DGKB: variants seen among roughly 807,000 people sequenced by gnomAD.
DGKB encodes the protein 90 kDa diacylglycerol kinase.
In DGKB, 67 loss-of-function variants were observed where a neutral mutation model predicts 114.3. The observed-to-expected ratio is 0.59, with a 90% confidence interval of 0.48 to 0.72. The LOEUF (loss-of-function observed/expected upper bound fraction) is 0.72, where lower values mean the gene tolerates loss of function less well. DGKB is among the 30% of genes least tolerant of loss of function. The pLI is 0.00. For missense variants in DGKB, 907 were observed against 975.2 expected, an observed-to-expected ratio of 0.93 and a Z score of 0.93; for synonymous variants, 398 against 323.1, an observed-to-expected ratio of 1.23 and a Z score of -2.49.
chr7:14,654,966 T>C (rs1390550093), intron 13 of DGKB, among the ~76,000 whole-genome samples: 6 of 151,912 alleles, frequency 3.9e-5, no homozygotes, highest in African/African-American at 7.2e-5. Context: ...GACTCTGGTC[T>C]GAGCAAAGAT....
Position 14,956,986 on chromosome 7 carries a change from T to G in DGKB, c.-188+17710A>C, listed in dbSNP as rs117431973. On this transcript the variant is annotated intron_variant, in intron 1 of 4. Transcript: ENST00000437998. Reference sequence around the variant, plus strand: ...ATATCCATTGCAGAGGAATTGAAATTTTCACTTAAAGCCTGTCAGTCATAC... The same window carrying G: ...ATATCCATTGCAGAGGAATTGAAATGTTCACTTAAAGCCTGTCAGTCATAC... 5.1e-3 allele frequency among the ~76,000 whole-genome samples: 773 copies of G among 152,012 alleles called. 2 individuals carry two copies. The highest frequency in any genetic ancestry group is 9.3e-3 in the Non-Finnish European group (630 of 67,928).
chr7:14,681,187 G>A (rs1277943631), intron 12 of DGKB, among the ~76,000 whole-genome samples: 1 of 151,820 alleles, frequency 6.6e-6, no homozygotes, highest in Admixed American at 6.6e-5. Context: ...TTAAAACTGG[G>A]AATTCAATGT....
intron 25 of DGKB, among the ~76,000 whole-genome samples, chr7:14,172,782 G>T (rs1353105171): frequency 1.3e-5 from 2 of 152,080 alleles, no homozygotes; most frequent in African/African-American, 4.8e-5. Flanking sequence ...AAGGGGTGCT[G>T]GTTGTACAGA....
intron 21 of DGKB, among the ~76,000 whole-genome samples, chr7:14,381,764 T>A (rs928463480): frequency 6.6e-6 from 1 of 152,222 alleles, no homozygotes; most frequent in Non-Finnish European, 1.5e-5. Flanking sequence ...TGCAGGCCAC[T>A]GTGCCCAGCT....
At chr7:14,830,981 A>T (rs937028197) in intron 2 of DGKB, among the ~76,000 whole-genome samples, 2 of 152,016 alleles carry the variant, frequency 1.3e-5, no homozygotes, top group African/African-American at 4.8e-5. Flanking sequence ...TTAGTTTTTT[A>T]AAATGAAATG....
chr7:14,252,608 C>T (rs1795401118), intron 23 of DGKB, among the ~76,000 whole-genome samples: 1 of 152,142 alleles, frequency 6.6e-6, no homozygotes, highest in Admixed American at 6.5e-5. Context: ...CAGGGCTCAA[C>T]CAGGCGCCAG....
chr7:14,613,265 C>T, intron 16 of DGKB, 75 bp downstream of exon 16: 6 of 824,268 alleles, frequency 7.3e-6, no homozygotes, highest in Non-Finnish European at 1.2e-5. Context: ...TGTTTTTAAG[C>T]ATTTTTACAT....
At chr7:14,729,402 A>C (rs563085712) in intron 5 of DGKB, among the ~76,000 whole-genome samples, 1 of 152,118 alleles carries the variant, frequency 6.6e-6, no homozygotes, top group Non-Finnish European at 1.5e-5. Context: ...GATTACAGGC[A>C]CGAGCCATCA....
At chr7:14,730,460 G>A (rs1345444606) in intron 5 of DGKB, among the ~76,000 whole-genome samples, 1 of 152,150 alleles carries the variant, frequency 6.6e-6, no homozygotes, top group Non-Finnish European at 1.5e-5. Flanking sequence ...CACTTTAGCT[G>A]AGGCTTTAAG....
chr7:14,622,265 T>C (rs1004956374), intron 14 of DGKB, among the ~76,000 whole-genome samples: 1 of 152,104 alleles, frequency 6.6e-6, no homozygotes, highest in Non-Finnish European at 1.5e-5. Context: ...CTCTGAGCTC[T>C]CTTCTTCCTT....
intron 13 of DGKB, among the ~76,000 whole-genome samples, chr7:14,667,337 T>G (rs1361966649): frequency 6.6e-6 from 1 of 151,944 alleles, no homozygotes; most frequent in African/African-American, 2.4e-5. Flanking sequence ...CAACCAGAAA[T>G]TAAGGATCCA....
At chr7:14,541,238 G>A (rs1393665915) in intron 20 of DGKB, among the ~76,000 whole-genome samples, 1 of 152,086 alleles carries the variant, frequency 6.6e-6, no homozygotes. Flanking sequence ...TTATACAAAT[G>A]ATGCTACACT....
chr7:14,218,863 A>C (rs1359659115), intron 23 of DGKB, among the ~76,000 whole-genome samples: 1 of 151,792 alleles, frequency 6.6e-6, no homozygotes, highest in Non-Finnish European at 1.5e-5. Flanking sequence ...CATTTTCATC[A>C]CTTCAGGAAG....
chr7:14,302,547 T>C (rs371170634), intron 23 of DGKB, among the ~76,000 whole-genome samples: 2 of 152,110 alleles, frequency 1.3e-5, no homozygotes, highest in East Asian at 3.9e-4. Context: ...TCTAGGTACA[T>C]GGAATTCCTT....
intron 23 of DGKB, among the ~76,000 whole-genome samples, chr7:14,223,198 G>A (rs1479590904): frequency 1.3e-5 from 2 of 151,678 alleles, no homozygotes; most frequent in Admixed American, 1.3e-4. Flanking sequence ...TAAGTCTGAT[G>A]TCTTTGTTGT....
At chr7:14,562,593 G>C (rs980190539) in intron 20 of DGKB, among the ~76,000 whole-genome samples, 10 of 152,228 alleles carry the variant, frequency 6.6e-5, no homozygotes, top group African/African-American at 1.7e-4. Flanking sequence ...CTGGATGTGA[G>C]ACATGGAGTA....
At chr7:14,328,248 C>T (rs746477487) in intron 23 of DGKB, among the ~76,000 whole-genome samples, 5 of 151,874 alleles carry the variant, frequency 3.3e-5, no homozygotes, top group Admixed American at 2.0e-4. Context: ...TTTAATTATC[C>T]GAAGAGACAT....
chr7:14,830,667 A>T (rs1360533873), intron 2 of DGKB, among the ~76,000 whole-genome samples: 4 of 152,022 alleles, frequency 2.6e-5, no homozygotes, highest in African/African-American at 9.7e-5. Flanking sequence ...AGCTGCAGTC[A>T]CTCAAAAAGC....
chr7:14,716,652 T>C (rs1179637363), intron 6 of DGKB, among the ~76,000 whole-genome samples: 1 of 152,090 alleles, frequency 6.6e-6, no homozygotes, highest in Admixed American at 6.6e-5. Flanking sequence ...ACATATGCAA[T>C]TTTAGAAGGG....
Sources: allele counts gnomAD v4.1 joint callset (sites outside exome capture counted in the v4.1 genomes callset), GRCh38; gene constraint gnomAD v4.1.1; transcripts MANE v1.5; gene names NCBI Gene and HGNC (gene_info 2026-07-23, HGNC 2026-07-21).